The following FER1L6 variants were observed in gnomAD, a reference collection of about 807,000 sequenced individuals.
The protein encoded by FER1L6 is fer-1 like family member 6, also known as fer-1-like protein 6.
Under a neutral mutation model 219.2 loss-of-function variants are expected in FER1L6, and 177 were observed. The observed-to-expected ratio is 0.81, with a 90% CI of 0.71 to 0.91. The LOEUF (loss-of-function observed/expected upper bound fraction) is 0.91. Among genes scored for constraint, FER1L6 ranks in the 40% least tolerant of loss-of-function variants. FER1L6 has a pLI of 0.00. For missense variants in FER1L6, 2,153 were observed against 2,259.9 expected (o/e 0.95, Z 0.96); for synonymous variants, 768 against 824.3 (o/e 0.93, Z 1.17).
At chr8:123,883,440 T>C (rs1032842584) in intron 1 of FER1L6, among the ~76,000 whole-genome samples, 2 of 152,206 alleles carry the variant, frequency 1.3e-5, no homozygotes. Context: ...TTAAGTAGTC[T>C]CTGAAACTTT....
chr8:123,884,677 T>G (rs147334002), intron 1 of FER1L6, among the ~76,000 whole-genome samples: 6 of 152,132 alleles, frequency 3.9e-5, no homozygotes, highest in Admixed American at 1.3e-4. Context: ...AGGGACTATT[T>G]GCAAGGACAC....
At chr8:124,018,934 A>G (rs975497561) in intron 16 of FER1L6, among the ~76,000 whole-genome samples, 3 of 152,196 alleles carry the variant, frequency 2.0e-5, no homozygotes. Flanking sequence ...CTCTGGAACG[A>G]ACTCCACTTC....
intron 1 of FER1L6, among the ~76,000 whole-genome samples, chr8:123,899,236 T>A (rs1452225994): frequency 1.3e-5 from 2 of 152,180 alleles, no homozygotes; most frequent in Non-Finnish European, 2.9e-5. Flanking sequence ...TAATTTTGAT[T>A]GGCAATTCCC....
chr8:123,933,035 T>G (rs1813837053), intron 1 of FER1L6, among the ~76,000 whole-genome samples: 1 of 152,212 alleles, frequency 6.6e-6, no homozygotes, highest in African/African-American at 2.4e-5. Flanking sequence ...AGGTTTTTCT[T>G]GATTGAATCA....
chr8:123,962,190 G>C (rs540675353), intron 2 of FER1L6, among the ~76,000 whole-genome samples: 1 of 152,206 alleles, frequency 6.6e-6, no homozygotes, highest in African/African-American at 2.4e-5. Context: ...TGCCCAGCCT[G>C]TCTGTGGTCT....
chr8:124,053,642 G>C (rs542258182), intron 22 of FER1L6, among the ~76,000 whole-genome samples: 1 of 152,008 alleles, frequency 6.6e-6, no homozygotes, highest in Non-Finnish European at 1.5e-5. Context: ...AGGATCACTT[G>C]AGCCCAGGAA....
chr8:123,933,368 A>ATGTG lies in FER1L6; in HGVS notation c.-7-22623_-7-22622insGTGT, dbSNP rs1491259026. Among the ~76,000 whole-genome samples the ATGTG allele has an allele frequency of 2.6e-3, 356 of 137,582 alleles. 3 individuals carry two copies. Among genetic ancestry groups the ATGTG allele is most frequent in the South Asian group, 9.4e-3 (35 of 3,714 alleles). 90.3% of individuals were successfully genotyped at this position (137,582 alleles called of 152,430 possible). Reference sequence around the variant, plus strand: ...TATAGTCTGATCTTTCTATCATAGCATATGTGTGTCTGTGTGTGTGTGTGT... The same window carrying ATGTG: ...TATAGTCTGATCTTTCTATCATAGCATGTGTATGTGTGTCTGTGTGTGTGTGTGT... On this transcript the variant is annotated intron_variant, in intron 1 of 40. Transcript: ENST00000522917.
intron 32 of FER1L6, among the ~76,000 whole-genome samples, chr8:124,077,034 G>T (rs1586674664): frequency 6.6e-6 from 1 of 152,162 alleles, no homozygotes; most frequent in Non-Finnish European, 1.5e-5. Flanking sequence ...GCTAAGCATT[G>T]GTGTTCCCTG....
chr8:123,866,194 C>T (rs1816835842), intron 1 of FER1L6, among the ~76,000 whole-genome samples: 1 of 151,970 alleles, frequency 6.6e-6, no homozygotes, highest in South Asian at 2.1e-4. Flanking sequence ...CGGTATTTGT[C>T]TTTTTGTGCC....
In FER1L6 at chr8:123,883,745, C is replaced by T. The variant is rs555885987; in HGVS notation, c.-8+31560C>T. ...CTTCTGGGATGATTTCTTCTTGCTG[C>T]GTCCTCCAGAGGGGATGAACATGGT... is the stretch of plus-strand genomic sequence containing the variant. On this transcript the variant is annotated intron_variant, in intron 1 of 40. Coordinates refer to ENST00000522917, the MANE Select transcript of FER1L6 (RefSeq NM_001039112.2). 7.9e-5 allele frequency among the ~76,000 whole-genome samples: 12 copies of T among 152,238 alleles called. No homozygotes were observed. The East Asian group carries it at 1.7e-3, about 22-fold the overall frequency.
intron 16 of FER1L6, among the ~76,000 whole-genome samples, chr8:124,019,151 C>T (rs76113060): frequency 0.014 from 2,099 of 152,312 alleles, 23 homozygotes; most frequent in Middle Eastern, 0.048. Flanking sequence ...TTGCATGATA[C>T]ATTGGGCTAT....
intron 13 of FER1L6, 139 bp downstream of exon 13, chr8:124,003,486 C>A (rs1178506028): frequency 7.4e-6 from 4 of 541,572 alleles, no homozygotes; most frequent in Non-Finnish European, 1.2e-5. Flanking sequence ...TTTTTTGAGA[C>A]GGAGTCTTGC....
chr8:123,938,296 T>C (rs1586488741), intron 1 of FER1L6, among the ~76,000 whole-genome samples: 1 of 152,312 alleles, frequency 6.6e-6, no homozygotes, highest in African/African-American at 2.4e-5. Context: ...CATTTTGAGC[T>C]TTTGCATCTC....
At chr8:124,083,250 T>C (rs1038995457) in intron 33 of FER1L6, among the ~76,000 whole-genome samples, 1 of 152,166 alleles carries the variant, frequency 6.6e-6, no homozygotes, top group African/African-American at 2.4e-5. Flanking sequence ...TCTTATTCTA[T>C]CTAACTATAT....
At chr8:123,968,696 T>C (rs1815667345) in intron 5 of FER1L6, among the ~76,000 whole-genome samples, 1 of 152,224 alleles carries the variant, frequency 6.6e-6, no homozygotes, top group Non-Finnish European at 1.5e-5. Context: ...TATTGTCTTG[T>C]CTTCTTAAAC....
intron 15 of FER1L6, among the ~76,000 whole-genome samples, chr8:124,015,697 AACTG>A: frequency 1.3e-5 from 2 of 148,714 alleles, no homozygotes; most frequent in Non-Finnish European, 3.0e-5. Flanking sequence ...CACTTTTAGA[AACTG>A]TTTATGAGCA....
chr8:123,863,994 T>G (rs1816788167), intron 1 of FER1L6, among the ~76,000 whole-genome samples: 1 of 148,138 alleles, frequency 6.8e-6, no homozygotes, highest in African/African-American at 2.6e-5. Flanking sequence ...AAAGTTAATA[T>G]TGTTATGTGT....
chr8:124,036,539 TA>T (rs1819223059), intron 19 of FER1L6, among the ~76,000 whole-genome samples: 1 of 152,170 alleles, frequency 6.6e-6, no homozygotes, highest in African/African-American at 2.4e-5. Flanking sequence ...ACATAGCTAG[TA>T]AATGATGGGG....
chr8:124,019,673 G>A (rs1225214775), intron 16 of FER1L6, among the ~76,000 whole-genome samples: 1 of 152,216 alleles, frequency 6.6e-6, no homozygotes, highest in Non-Finnish European at 1.5e-5. Context: ...ACACCTATGT[G>A]CCAGGAGCTC....
Sources: allele counts gnomAD v4.1 joint callset (sites outside exome capture counted in the v4.1 genomes callset), GRCh38; gene constraint gnomAD v4.1.1; transcripts MANE v1.5; gene names NCBI Gene and HGNC (gene_info 2026-07-23, HGNC 2026-07-21).